PCDHA4: variants seen among roughly 807,000 people sequenced by gnomAD.
PCDHA4 encodes the protein protocadherin alpha 4.
A neutral mutation model predicts 61.4 loss-of-function variants in PCDHA4; 49 were observed. That is an observed-to-expected ratio of 0.80 (90% CI 0.63 to 1.01). PCDHA4 has a LOEUF of 1.01. Ranked by LOEUF, PCDHA4 falls within the 50% of genes least tolerant of loss-of-function variation. The probability of loss-of-function intolerance (pLI) is 0.00; values close to 1 mark genes in which losing one functional copy is unlikely to be tolerated. For missense variants in PCDHA4, 1,254 were observed against 1,235.8 expected (o/e 1.01, Z -0.22); for synonymous variants, 590 against 550.3 (o/e 1.07, Z -1.01).
intron 1 of PCDHA4, chr5:140,853,175 G>A: frequency 1.0e-6 from 1 of 970,848 alleles, no homozygotes. Flanking sequence ...CACCGCGCCT[G>A]GCCTAAAATG....
rs532781317 is a variant in PCDHA4, at chr5:140,854,917, G to A, written c.2385+45345G>A. 4.6e-4 allele frequency among the ~76,000 whole-genome samples: 69 copies of A among 149,868 alleles called. 3 individuals are homozygous for A. Among genetic ancestry groups the A allele is most frequent in the South Asian group, 2.8e-3 (13 of 4,714 alleles). ...AAGCGTAAATATAACAGGGTTGAAA[G>A]CATTTGCCTCTGAAAGCAGAAATAA... On this transcript the variant is annotated intron_variant, in intron 1 of 3. Transcript: ENST00000530339.
chr5:140,820,072 C>T (rs1044773695), intron 1 of PCDHA4, among the ~76,000 whole-genome samples: 1 of 151,950 alleles, frequency 6.6e-6, no homozygotes, highest in Non-Finnish European at 1.5e-5. Context: ...CTAACATCAG[C>T]TAATGCTGTT....
intron 1 of PCDHA4, chr5:140,848,493 G>A (rs2150411274): frequency 7.0e-6 from 11 of 1,576,596 alleles, no homozygotes; most frequent in Middle Eastern, 3.4e-4. Context: ...CTGAGTATTT[G>A]AAATGTTATA....
At chr5:140,961,558 A>T (rs1285175060) in intron 1 of PCDHA4, among the ~76,000 whole-genome samples, 1 of 151,976 alleles carries the variant, frequency 6.6e-6, no homozygotes, top group Admixed American at 6.6e-5. Context: ...TTCTTTTTTT[A>T]AATTTTGTTT....
chr5:140,820,357 T>C (rs1476872263), intron 1 of PCDHA4, among the ~76,000 whole-genome samples: 1 of 152,044 alleles, frequency 6.6e-6, no homozygotes, highest in Non-Finnish European at 1.5e-5. Flanking sequence ...GAATTTCCTC[T>C]GACTTTGCAT....
At position 140,809,242 on chromosome 5, in the gene PCDHA4, C is replaced by T. The variant is rs782495070; in HGVS notation, c.2055C>T (p.Gly685=). Reference sequence around the variant, plus strand: ...AGGCCTCCTCACGGGCGTTGGTGGGCGCTGTGGGTCCCGATGCTGCGCTGG... The same window carrying T: ...AGGCCTCCTCACGGGCGTTGGTGGGTGCTGTGGGTCCCGATGCTGCGCTGG... ...APKASSRALV[G]AVGPDAALVD... is the part of the protein sequence containing the mutation. The change falls in exon 1 of 4, where the codon GGC becomes GGT. Residue 685 remains glycine (G), a synonymous_variant. Transcript: ENST00000530339. 2 of 1,614,092 alleles carry T rather than the reference C, an allele frequency of 1.2e-6. No homozygotes were observed. Among genetic ancestry groups the T allele is most frequent in the East Asian group, 2.2e-5 (1 of 44,874 alleles).
intron 1 of PCDHA4, among the ~76,000 whole-genome samples, chr5:140,914,309 C>A (rs1461023041): frequency 1.3e-5 from 2 of 152,082 alleles, no homozygotes; most frequent in Non-Finnish European, 2.9e-5. Flanking sequence ...TGAATTGACC[C>A]CATTATCATT....
At chr5:140,830,280 G>T (rs2150184170) in intron 1 of PCDHA4, 1 of 1,613,766 alleles carries the variant, frequency 6.2e-7, no homozygotes, top group East Asian at 2.2e-5. Flanking sequence ...CCCACCGAGG[G>T]CGCGTGCACG....
chr5:140,967,966 G>A, intron 1 of PCDHA4: 1 of 1,614,214 alleles, frequency 6.2e-7, no homozygotes, highest in African/African-American at 1.3e-5. Context: ...ACCGGAAAGT[G>A]AGCCTGGGTC....
rs139859573 is a variant in PCDHA4, at chr5:140,940,130, A to G, written c.2386-38819A>G. ...TGTATTATTTACCTCTATTTCTGCT[A>G]GTGATAAACTATTATAGTTTTTGTT... On this transcript the variant is annotated intron_variant, in intron 1 of 3. Transcript: ENST00000530339. Among the ~76,000 whole-genome samples, 378 of 152,286 alleles carry G rather than the reference A, an allele frequency of 2.5e-3. 4 individuals carry two copies. Among genetic ancestry groups the G allele is most frequent in the Non-Finnish European group, 4.6e-3 (313 of 68,020 alleles).
chr5:141,009,710 C>A lies in PCDHA4; in HGVS notation c.2617C>A (p.Pro873Thr), dbSNP rs2098413865. 1 of 1,613,980 alleles carries A rather than the reference C, an allele frequency of 6.2e-7. No individual in the cohort carries two copies. Among genetic ancestry groups the A allele is most frequent in the African/African-American group, 1.3e-5 (1 of 74,884 alleles). Residue 873 changes from proline (P) to threonine (T), a missense_variant, in exon 4 of 4, where the codon CCC becomes ACC. Pro to Thr is a conservative substitution (Grantham distance 38). Transcript: ENST00000530339. ...GACCTTTAAATACGGACCAGGCAAC[C>A]CCAAACAATCCGGTCCCGGTGAGTT... ...SWTFKYGPGN[P>T]KQSGPGELPD...
intron 1 of PCDHA4, among the ~76,000 whole-genome samples, chr5:140,826,782 C>T (rs1443804461): frequency 6.6e-6 from 1 of 152,004 alleles, no homozygotes; most frequent in Non-Finnish European, 1.5e-5. Flanking sequence ...TGAAAATAAC[C>T]TGCAAAAAGT....
At chr5:140,813,599 A>ATGAGTGAATGG (rs1381585879) in intron 1 of PCDHA4, 1 of 152,234 alleles carries the variant, frequency 6.6e-6, no homozygotes, top group Non-Finnish European at 1.5e-5. Context: ...GCATGAGTCA[A>ATGAGTGAATGG]TGAGTGAATG....
At chr5:140,829,361 G>C in intron 1 of PCDHA4, 1 of 1,614,230 alleles carries the variant, frequency 6.2e-7, no homozygotes, top group Middle Eastern at 1.7e-4. Flanking sequence ...CTATGAGTTG[G>C]TGGTAACCGC....
chr5:140,933,666 T>C (rs1334972770), intron 1 of PCDHA4, among the ~76,000 whole-genome samples: 3 of 152,046 alleles, frequency 2.0e-5, no homozygotes, highest in Non-Finnish European at 4.4e-5. Context: ...TCTCTCTCTG[T>C]CTCTCTCACA....
At chr5:140,821,884 G>A (rs2150111623) in intron 1 of PCDHA4, 3 of 1,614,242 alleles carry the variant, frequency 1.9e-6, no homozygotes, top group Non-Finnish European at 2.5e-6. Flanking sequence ...GATCCCGGAG[G>A]AAGCCAAACA....
intron 1 of PCDHA4, among the ~76,000 whole-genome samples, chr5:140,907,623 G>T (rs553186767): frequency 6.6e-6 from 1 of 152,352 alleles, no homozygotes; most frequent in East Asian, 1.9e-4. Context: ...AGGGCTCAGT[G>T]TTGGTCTCTG....
At chr5:140,875,233 G>C in intron 1 of PCDHA4, 2 of 863,878 alleles carry the variant, frequency 2.3e-6, no homozygotes, top group Non-Finnish European at 3.3e-6. Context: ...GATCTTTCTT[G>C]TACTTACATA....
chr5:140,834,191 T>G, intron 1 of PCDHA4: 1 of 586,888 alleles, frequency 1.7e-6, no homozygotes, highest in South Asian at 2.5e-5. Context: ...ATGATGTCGC[T>G]CTTTACCGCA....
Sources: gnomAD v4.1 joint callset for allele counts (sites outside exome capture counted in the v4.1 genomes callset) on GRCh38, gnomAD v4.1.1 for gene constraint, MANE v1.5 for transcripts, NCBI Gene and HGNC (gene_info 2026-07-23, HGNC 2026-07-21) for gene names.